OR2L13: variants seen among roughly 807,000 people sequenced by gnomAD.
OR2L13 encodes olfactory receptor family 2 subfamily L member 13.
OR2L13 carries 14 observed loss-of-function variants against 15.3 expected under a neutral mutation model. The ratio of observed to expected loss-of-function variants is 0.91; its 90% CI spans 0.60 to 1.43. The LOEUF (loss-of-function observed/expected upper bound fraction) is 1.43. Ranked by LOEUF, OR2L13 falls within the 40% of genes most tolerant of loss-of-function variation. The probability of loss-of-function intolerance (pLI) is 0.00; values close to 1 mark genes in which losing one functional copy is unlikely to be tolerated. For missense variants in OR2L13, 367 were observed against 387.9 expected (o/e 0.95, Z 0.45); for synonymous variants, 152 against 142.9 (o/e 1.06, Z -0.45).
chr1:248,052,793 A>G, the OR2L13 span, among the ~76,000 whole-genome samples: 2 of 152,094 alleles, frequency 1.3e-5, no homozygotes, highest in Non-Finnish European at 2.9e-5. Flanking sequence ...AAAAAAGTCA[A>G]GATTTTTTGA....
chr1:248,036,208 T>G, the OR2L13 span, among the ~76,000 whole-genome samples: 1 of 152,192 alleles, frequency 6.6e-6, no homozygotes, highest in African/African-American at 2.4e-5. Context: ...CCTGTTGCAT[T>G]AATTTTCTAA....
At chr1:248,085,469 CAAAA>C in the OR2L13 span, among the ~76,000 whole-genome samples, 5 of 67,890 alleles carry the variant, frequency 7.4e-5, no homozygotes, top group African/African-American at 2.0e-4. Flanking sequence ...AGAGAAGCAC[CAAAA>C]AAAAAAAAAA....
chr1:248,004,330 G>C, the OR2L13 span, among the ~76,000 whole-genome samples: 5 of 152,168 alleles, frequency 3.3e-5, no homozygotes. Flanking sequence ...TTTGTTTTTA[G>C]TTATGCAGAA....
At chr1:248,089,404 C>A in the OR2L13 span, among the ~76,000 whole-genome samples, 396 of 152,148 alleles carry the variant, frequency 2.6e-3, no homozygotes, top group Middle Eastern at 0.017. Context: ...TGGTAATTAA[C>A]TCAATCTCCA....
At chr1:247,999,080 C>A in the OR2L13 span, among the ~76,000 whole-genome samples, 1 of 152,150 alleles carries the variant, frequency 6.6e-6, no homozygotes, top group Non-Finnish European at 1.5e-5. Context: ...TCAAGTAAGA[C>A]ACGTTCACTA....
chr1:248,060,732 C>G, the OR2L13 span: 1 of 1,614,010 alleles, frequency 6.2e-7, no homozygotes, highest in Non-Finnish European at 8.5e-7. Flanking sequence ...TAGGATTCTT[C>G]CCACCATCAA....
chr1:247,990,635 T>C, the OR2L13 span: 1 of 1,536,764 alleles, frequency 6.5e-7, no homozygotes, highest in Non-Finnish European at 9.0e-7. Flanking sequence ...GATCGTTATG[T>C]GGCTATTTGC....
the OR2L13 span, among the ~76,000 whole-genome samples, chr1:248,036,011 A>C: frequency 6.6e-6 from 1 of 152,168 alleles, no homozygotes; most frequent in Non-Finnish European, 1.5e-5. Context: ...AATTTTTAGA[A>C]TGTTTTCTAG....
chr1:247,947,392 T>C, the OR2L13 span, among the ~76,000 whole-genome samples: 1 of 152,236 alleles, frequency 6.6e-6, no homozygotes, highest in African/African-American at 2.4e-5. Context: ...CAAATTCTGG[T>C]GATCTTTGGC....
exon 3 of OR2L13, chr1:248,099,644 G>T: frequency 1.2e-6 from 2 of 1,614,094 alleles, no homozygotes; most frequent in Non-Finnish European, 1.7e-6. Flanking sequence ...GGCCAGAAAG[G>T]CATCTCCTTC....
chr1:248,013,030 A>C, the OR2L13 span, among the ~76,000 whole-genome samples: 1 of 151,824 alleles, frequency 6.6e-6, no homozygotes, highest in Non-Finnish European at 1.5e-5. Context: ...CTATTTTCAT[A>C]AGAGAAAATT....
chr1:247,999,080 C>T, the OR2L13 span, among the ~76,000 whole-genome samples: 1 of 152,150 alleles, frequency 6.6e-6, no homozygotes, highest in Admixed American at 6.5e-5. Flanking sequence ...TCAAGTAAGA[C>T]ACGTTCACTA....
the OR2L13 span, among the ~76,000 whole-genome samples, chr1:248,030,744 C>T: frequency 6.6e-6 from 1 of 151,972 alleles, no homozygotes; most frequent in Non-Finnish European, 1.5e-5. Flanking sequence ...TCTAAGATGT[C>T]GGTGGTGATG....
At chr1:248,038,987 T>A in the OR2L13 span, 48 of 1,613,992 alleles carry the variant, frequency 3.0e-5, no homozygotes, top group African/African-American at 3.3e-4. Context: ...ATTCAACCTG[T>A]AGCACCCACC....
At chr1:248,024,849 C>T in the OR2L13 span, among the ~76,000 whole-genome samples, 7 of 152,148 alleles carry the variant, frequency 4.6e-5, no homozygotes, top group Non-Finnish European at 1.0e-4. Flanking sequence ...GTGATGCCCC[C>T]AGCTTTGTTC....
chr1:247,975,727 A>T, the OR2L13 span: 1 of 530,708 alleles, frequency 1.9e-6, no homozygotes, highest in Non-Finnish European at 3.1e-6. Flanking sequence ...AGCAGTTACG[A>T]AAAATAATAT....
At chr1:248,087,286 T>TCTTAC in the OR2L13 span, among the ~76,000 whole-genome samples, 1 of 152,184 alleles carries the variant, frequency 6.6e-6, no homozygotes, top group African/African-American at 2.4e-5. Flanking sequence ...TGTTTCTGGG[T>TCTTAC]AGACACAGAC....
chr1:247,979,793 G>A, the OR2L13 span, among the ~76,000 whole-genome samples: 1 of 152,044 alleles, frequency 6.6e-6, no homozygotes, highest in African/African-American at 2.4e-5. Flanking sequence ...TCTTGGAAAC[G>A]ACTCCTAGAT....
At chr1:248,022,775 C>T in the OR2L13 span, 1 of 1,614,036 alleles carries the variant, frequency 6.2e-7, no homozygotes, top group Non-Finnish European at 8.5e-7. Context: ...TGGCTGTTTT[C>T]TACACCATCC....
Sources: gnomAD v4.1 joint callset for allele counts (sites outside exome capture counted in the v4.1 genomes callset) on GRCh38, gnomAD v4.1.1 for gene constraint, MANE v1.5 for transcripts, NCBI Gene and HGNC (gene_info 2026-07-23, HGNC 2026-07-21) for gene names.